KIRREL3: variants seen among roughly 807,000 people sequenced by gnomAD.
KIRREL3 encodes kirre like nephrin family adhesion molecule 3, also known as kin of IRRE-like protein 3.
In KIRREL3, 36 loss-of-function variants were observed where a neutral mutation model predicts 89.7. The ratio of observed to expected loss-of-function variants is 0.40; its 90% CI spans 0.31 to 0.53. KIRREL3 has a LOEUF of 0.53. Ranked by LOEUF, KIRREL3 falls within the 20% of genes least tolerant of loss-of-function variation. The pLI is 0.49. For synonymous variants in KIRREL3, 445 were observed against 441.4 expected (o/e 1.01, Z -0.10); for missense variants, 864 against 1,056.6 (o/e 0.82, Z 2.53).
chr11:126,613,016 G>A (rs1179687090), intron 1 of KIRREL3, among the ~76,000 whole-genome samples: 1 of 152,166 alleles, frequency 6.6e-6, no homozygotes, highest in Non-Finnish European at 1.5e-5. Flanking sequence ...GGATCACTGG[G>A]TCATATGGTA....
Position 126,516,609 on chromosome 11 carries a change from T to G in KIRREL3, c.433+4706A>C, listed in dbSNP as rs1958416525. 6.6e-6 allele frequency among the ~76,000 whole-genome samples: 1 copy of G among 152,218 alleles called. No homozygotes were observed. ...TAACAGGTGCTCAGTAAACATTTGTTGATCAAATCCTTGGTACCATTTCCT... is the reference window on the plus strand; with the variant it reads ...TAACAGGTGCTCAGTAAACATTTGTGGATCAAATCCTTGGTACCATTTCCT... On this transcript the variant is annotated intron_variant, in intron 4 of 16. Coordinates refer to ENST00000525144, the MANE Select transcript of KIRREL3 (RefSeq NM_032531.4). This position sits in a 1 kb window ranked among gnomAD's most constrained non-coding sequence, Gnocchi z 4.9.
At position 126,515,893 on chromosome 11, in the gene KIRREL3, G is replaced by A. The variant is rs897225581; in HGVS notation, c.433+5422C>T. Among the ~76,000 whole-genome samples the A allele has an allele frequency of 3.3e-5, 5 of 152,302 alleles. No homozygotes were observed. Among genetic ancestry groups the A allele is most frequent in the Admixed American group, 2.0e-4 (3 of 15,294 alleles). On this transcript the variant is annotated intron_variant, in intron 4 of 16. Coordinates refer to ENST00000525144, the MANE Select transcript of KIRREL3 (RefSeq NM_032531.4). This position sits in a 1 kb window ranked among gnomAD's most constrained non-coding sequence, Gnocchi z 4.2. The stretch of plus-strand genomic sequence containing the variant: ...AACCAGTTTCTGGAAGAATGGTTTA[G>A]AAGCCAGCACCCTCGAGGTCTGTTC...
chr11:126,550,621 C>T lies in KIRREL3; in HGVS notation c.133+12214G>A, dbSNP rs2134531287. On this transcript the variant is annotated intron_variant, in intron 2 of 16. Coordinates refer to ENST00000525144, the MANE Select transcript of KIRREL3 (RefSeq NM_032531.4). This position sits in a 1 kb window ranked among gnomAD's most constrained non-coding sequence, Gnocchi z 4.9. ...TGAGATCATGCCATTGCATTCCAGC[C>T]TGGGCAACAAGAGCGAAACTCCGTC... 6.6e-6 allele frequency: 1 copy of T among 151,778 alleles called. No homozygotes were observed. The highest frequency in any genetic ancestry group is 1.5e-5 in the Non-Finnish European group (1 of 68,010). The allele number at this position is 151,778 out of a possible 1,614,324, so 9.4% of individuals were successfully genotyped here.
At chr11:126,547,702 G>C (rs936579844) in intron 2 of KIRREL3, among the ~76,000 whole-genome samples, 12 of 152,192 alleles carry the variant, frequency 7.9e-5, no homozygotes, top group Non-Finnish European at 1.8e-4. Context: ...TGGCGGAGTG[G>C]GGGGTCTGTG....
intron 1 of KIRREL3, among the ~76,000 whole-genome samples, chr11:126,975,938 C>T (rs12269786): frequency 0.14 from 14,322 of 104,088 alleles, 1,816 homozygotes; most frequent in East Asian, 0.26. Context: ...CTCCCTCCCT[C>T]CCTTCCTTCC....
In KIRREL3 at chr11:126,642,908, C is replaced by G. The variant is rs1205823638; in HGVS notation, c.56-79996G>C. On this transcript the variant is annotated intron_variant, in intron 1 of 16. Transcript: ENST00000525144. The surrounding 1 kb of genome is among the most constrained non-coding windows in gnomAD (Gnocchi z 4.9). The stretch of plus-strand genomic sequence containing the variant: ...TGAAGTGAGAAATTCAAAGGTGAAC[C>G]AAGCATGGTTCCAGAGTACAAGGAT... 1.3e-5 allele frequency among the ~76,000 whole-genome samples: 2 copies of G among 152,108 alleles called. No individual in the cohort carries two copies. The highest frequency in any genetic ancestry group is 4.8e-5 in the African/African-American group (2 of 41,422).
In KIRREL3 at chr11:126,515,203, C is replaced by T. The variant is rs1446893784; in HGVS notation, c.433+6112G>A. On this transcript the variant is annotated intron_variant, in intron 4 of 16. Coordinates refer to ENST00000525144, the MANE Select transcript of KIRREL3 (RefSeq NM_032531.4). This position sits in a 1 kb window ranked among gnomAD's most constrained non-coding sequence, Gnocchi z 4.2. ...TTAGGAGGCTGAGTTGGGTGGATCCCTTGAGCCCAGAAGTTCAAGACAAGC... is the reference window on the plus strand; with the variant it reads ...TTAGGAGGCTGAGTTGGGTGGATCCTTTGAGCCCAGAAGTTCAAGACAAGC... Among the ~76,000 whole-genome samples the T allele has an allele frequency of 6.6e-6, 1 of 152,186 alleles. No homozygotes were observed. The highest frequency in any genetic ancestry group is 1.5e-5 in the Non-Finnish European group (1 of 68,042).
chr11:126,974,978 T>G (rs1423085215), intron 1 of KIRREL3, among the ~76,000 whole-genome samples: 1 of 152,142 alleles, frequency 6.6e-6, no homozygotes, highest in East Asian at 1.9e-4. Flanking sequence ...CAGTGGCTAA[T>G]TTTTGTATTT....
At position 126,812,218 on chromosome 11, in the gene KIRREL3, C is replaced by T. The variant is rs1033894497; in HGVS notation, c.55+188237G>A. ...GGCCAAAGGATCATTAATTTCCTTA[C>T]TTTGGAACTTTGGGGTCCTTAGGAT... On this transcript the variant is annotated intron_variant, in intron 1 of 16. Transcript: ENST00000525144. The surrounding 1 kb of genome is among the most constrained non-coding windows in gnomAD (Gnocchi z 5.2). 6.6e-6 allele frequency among the ~76,000 whole-genome samples: 1 copy of T among 152,128 alleles called. No individual in the cohort carries two copies. Among genetic ancestry groups the T allele is most frequent in the Non-Finnish European group, 1.5e-5 (1 of 68,016 alleles).
intron 1 of KIRREL3, among the ~76,000 whole-genome samples, chr11:126,765,299 A>G (rs895710550): frequency 2.0e-5 from 3 of 152,062 alleles, no homozygotes; most frequent in Admixed American, 6.5e-5. Flanking sequence ...GAATCTTGTC[A>G]AAATTGTCTT....
At chr11:126,468,823 C>T (rs1332940476) in intron 5 of KIRREL3, among the ~76,000 whole-genome samples, 1 of 152,238 alleles carries the variant, frequency 6.6e-6, no homozygotes, top group Non-Finnish European at 1.5e-5. Flanking sequence ...TGATCATTAT[C>T]ACTGCATTTT....
intron 1 of KIRREL3, among the ~76,000 whole-genome samples, chr11:126,846,609 G>A (rs1238979841): frequency 2.0e-5 from 3 of 151,902 alleles, no homozygotes; most frequent in Admixed American, 1.3e-4. Context: ...TTCACCAAAA[G>A]TAAAAATTGC....
At chr11:126,730,659 G>A (rs745500863) in intron 1 of KIRREL3, among the ~76,000 whole-genome samples, 4 of 152,172 alleles carry the variant, frequency 2.6e-5, no homozygotes, top group Admixed American at 6.5e-5. Flanking sequence ...TGCACCAGGC[G>A]GCCCCTGCAA....
In KIRREL3 at chr11:126,496,067, A is replaced by C. The variant is rs1957648024; in HGVS notation, c.434-22601T>G. On this transcript the variant is annotated intron_variant, in intron 4 of 16. Transcript: ENST00000525144. The surrounding 1 kb of genome is among the most constrained non-coding windows in gnomAD (Gnocchi z 4.9). Reference sequence around the variant, plus strand: ...GCCCCTCCTATGTCTGATTGCAGAGATCCAGAACCATTCAGCTAAGCCAGG... The same window carrying C: ...GCCCCTCCTATGTCTGATTGCAGAGCTCCAGAACCATTCAGCTAAGCCAGG... 6.6e-6 allele frequency among the ~76,000 whole-genome samples: 1 copy of C among 152,182 alleles called. No homozygotes were observed. The highest frequency in any genetic ancestry group is 2.1e-4 in the South Asian group (1 of 4,822).
Position 126,697,522 on chromosome 11 carries a change from C to T in KIRREL3, c.56-134610G>A, listed in dbSNP as rs1197519514. ...GCTAAGTCCTACGACTGTGACACAA[C>T]TGATGCTCAGTGGCTCTTTGTTTAA... is the stretch of plus-strand genomic sequence containing the variant. On this transcript the variant is annotated intron_variant, in intron 1 of 16. Coordinates refer to ENST00000525144, the MANE Select transcript of KIRREL3 (RefSeq NM_032531.4). The surrounding 1 kb of genome is among the most constrained non-coding windows in gnomAD (Gnocchi z 4.2). Among the ~76,000 whole-genome samples, 1 of 152,226 alleles carries T rather than the reference C, an allele frequency of 6.6e-6. No homozygotes were observed. The highest frequency in any genetic ancestry group is 1.9e-4 in the East Asian group (1 of 5,200).
At position 126,817,720 on chromosome 11, in the gene KIRREL3, A is replaced by C. The variant is rs1951620716; in HGVS notation, c.55+182735T>G. Among the ~76,000 whole-genome samples, 1 of 152,238 alleles carries C rather than the reference A, an allele frequency of 6.6e-6. No homozygotes were observed. Among genetic ancestry groups the C allele is most frequent in the Non-Finnish European group, 1.5e-5 (1 of 68,044 alleles). On this transcript the variant is annotated intron_variant, in intron 1 of 16. Transcript: ENST00000525144. This position sits in a 1 kb window ranked among gnomAD's most constrained non-coding sequence, Gnocchi z 5.7. Reference sequence around the variant, plus strand: ...TCCACCGAGCTTCCCTAACTTGTTCACATCCTGTCACGCTAGCTAATGATA... The same window carrying C: ...TCCACCGAGCTTCCCTAACTTGTTCCCATCCTGTCACGCTAGCTAATGATA...
In KIRREL3 at chr11:126,750,045, C is replaced by T. The variant is rs1474190627; in HGVS notation, c.56-187133G>A. On this transcript the variant is annotated intron_variant, in intron 1 of 16. Coordinates refer to ENST00000525144, the MANE Select transcript of KIRREL3 (RefSeq NM_032531.4). This position sits in a 1 kb window ranked among gnomAD's most constrained non-coding sequence, Gnocchi z 4.2. ...TTACTGAACTTCAGTTTAGTTTCCT[C>T]ATCTGTAAAATGCAGGCTGTGCTAC... Among the ~76,000 whole-genome samples, 3 of 152,190 alleles carry T rather than the reference C, an allele frequency of 2.0e-5. No individual in the cohort carries two copies. In the South Asian group the frequency reaches 6.2e-4, roughly 32 times the overall value.
chr11:126,741,363 G>A (rs1948977116), intron 1 of KIRREL3, among the ~76,000 whole-genome samples: 1 of 152,104 alleles, frequency 6.6e-6, no homozygotes, highest in Non-Finnish European at 1.5e-5. Flanking sequence ...CTATTTCTGT[G>A]TTTGTTCATA....
In KIRREL3 at chr11:126,686,456, C is replaced by T. The variant is rs1402151635; in HGVS notation, c.56-123544G>A. On this transcript the variant is annotated intron_variant, in intron 1 of 16. Transcript: ENST00000525144. This position sits in a 1 kb window ranked among gnomAD's most constrained non-coding sequence, Gnocchi z 4.7. ...GGTCTGTGGAAGAGAATGGAAGATA[C>T]ACAAAGGAAGGGAGTCCCAAGCTGA... Among the ~76,000 whole-genome samples the T allele has an allele frequency of 2.6e-5, 4 of 151,754 alleles. No homozygotes were observed. The East Asian group carries it at 7.8e-4, about 29-fold the overall frequency.
Sources: allele counts gnomAD v4.1 joint callset (sites outside exome capture counted in the v4.1 genomes callset), GRCh38; gene constraint gnomAD v4.1.1; non-coding constraint Gnocchi (gnomAD v3.1); transcripts MANE v1.5; gene names NCBI Gene and HGNC (gene_info 2026-07-23, HGNC 2026-07-21).